The following CFAP107 variants were observed in gnomAD, a reference collection of about 807,000 sequenced individuals.
CFAP107 encodes the protein cilia- and flagella-associated protein 107.
the CFAP107 span, chr1:12,755,868 G>A: frequency 9.7e-6 from 12 of 1,241,752 alleles, no homozygotes; most frequent in Admixed American, 1.5e-4. Context: ...CAAAGCTCAG[G>A]GGACACCAGC....
chr1:12,756,170 GACAA>G, the CFAP107 span, among the ~76,000 whole-genome samples: 12 of 152,216 alleles, frequency 7.9e-5, no homozygotes, highest in African/African-American at 2.9e-4. Context: ...GATGTATTTG[GACAA>G]ACAGTGTTGT....
At chr1:12,754,514 C>T in the CFAP107 span, among the ~76,000 whole-genome samples, 1 of 152,144 alleles carries the variant, frequency 6.6e-6, no homozygotes, top group Non-Finnish European at 1.5e-5. Flanking sequence ...TGGTTGTATG[C>T]CTAAAAGAAT....
the CFAP107 span, chr1:12,759,338 A>G: frequency 1.2e-6 from 2 of 1,613,948 alleles, no homozygotes; most frequent in African/African-American, 2.7e-5. Flanking sequence ...CTGATCACCC[A>G]CCACCAGGAG....
the CFAP107 span, chr1:12,759,440 G>A: frequency 1.2e-6 from 2 of 1,614,010 alleles, no homozygotes; most frequent in Admixed American, 1.7e-5. Flanking sequence ...ACTTGGAATG[G>A]ACAGAAGTTG....
chr1:12,760,828 G>A, the CFAP107 span: 1 of 1,614,154 alleles, frequency 6.2e-7, no homozygotes, highest in Non-Finnish European at 8.5e-7. Flanking sequence ...TCACACCCAA[G>A]GCTGGCCTGA....
chr1:12,755,935 A>C, the CFAP107 span: 1 of 653,028 alleles, frequency 1.5e-6, no homozygotes, highest in Non-Finnish European at 2.7e-6. Context: ...TCTCATTAAT[A>C]CCCTCCCAGC....
chr1:12,760,926 G>A, the CFAP107 span: 24 of 1,612,940 alleles, frequency 1.5e-5, no homozygotes, highest in African/African-American at 5.3e-5. Context: ...CCTCCCCATC[G>A]CCTGCATCCT....
chr1:12,749,114 A>T, the CFAP107 span, among the ~76,000 whole-genome samples: 1 of 152,216 alleles, frequency 6.6e-6, no homozygotes, highest in Non-Finnish European at 1.5e-5. Context: ...TATTTGAAAA[A>T]ATAGTGATTA....
the CFAP107 span, chr1:12,755,623 C>A: frequency 6.4e-6 from 6 of 940,920 alleles, no homozygotes; most frequent in Non-Finnish European, 8.7e-6. Context: ...TTCTGATGGC[C>A]CAGGAGGTAA....
chr1:12,759,394 C>A, the CFAP107 span: 1 of 1,614,178 alleles, frequency 6.2e-7, no homozygotes, highest in Non-Finnish European at 8.5e-7. Context: ...CCATTACAAC[C>A]GGCATGGTTA....
the CFAP107 span, among the ~76,000 whole-genome samples, chr1:12,746,827 G>A: frequency 6.6e-6 from 1 of 152,248 alleles, no homozygotes; most frequent in Non-Finnish European, 1.5e-5. Context: ...GTAACAGGGT[G>A]TCAATATAGT....
At chr1:12,746,522 G>A in the CFAP107 span, 1 of 1,612,784 alleles carries the variant, frequency 6.2e-7, no homozygotes, top group Non-Finnish European at 8.5e-7. Flanking sequence ...ACTGGAAATT[G>A]GATGGAAGAG....
At chr1:12,748,726 G>A in the CFAP107 span, among the ~76,000 whole-genome samples, 2 of 149,934 alleles carry the variant, frequency 1.3e-5, no homozygotes, top group Non-Finnish European at 2.9e-5. Flanking sequence ...AGAAAATAAA[G>A]TGAGAGAATA....
chr1:12,752,139 C>T, the CFAP107 span, among the ~76,000 whole-genome samples: 7 of 152,156 alleles, frequency 4.6e-5, no homozygotes, highest in East Asian at 5.8e-4. Flanking sequence ...ATACTAAAGG[C>T]GAAGACATCA....
chr1:12,755,516 G>A, the CFAP107 span, among the ~76,000 whole-genome samples: 11 of 152,252 alleles, frequency 7.2e-5, no homozygotes, highest in South Asian at 4.1e-4. Flanking sequence ...AGCTCTTCCC[G>A]GGGGTGCCGG....
At chr1:12,751,282 G>A in the CFAP107 span, among the ~76,000 whole-genome samples, 2 of 152,114 alleles carry the variant, frequency 1.3e-5, no homozygotes, top group Non-Finnish European at 2.9e-5. Context: ...TAAATATTTA[G>A]AGAAGAGATA....
At chr1:12,747,094 G>A in the CFAP107 span, among the ~76,000 whole-genome samples, 1 of 150,506 alleles carries the variant, frequency 6.6e-6, no homozygotes, top group Non-Finnish European at 1.5e-5. Flanking sequence ...TTGAGACAGA[G>A]TCTCGCTCTG....
At chr1:12,753,348 T>C in the CFAP107 span, 28 of 152,142 alleles carry the variant, frequency 1.8e-4, 1 homozygote, top group East Asian at 5.2e-3. Flanking sequence ...AAGGTTTTTT[T>C]TTTTTGCAGA....
At chr1:12,748,217 G>C in the CFAP107 span, among the ~76,000 whole-genome samples, 4 of 152,068 alleles carry the variant, frequency 2.6e-5, no homozygotes, top group East Asian at 7.7e-4. Context: ...TCTCTATTTC[G>C]TCTAACTTGG....
Sources: allele counts gnomAD v4.1 joint callset (sites outside exome capture counted in the v4.1 genomes callset), GRCh38; gene constraint gnomAD v4.1.1; transcripts MANE v1.5; gene names NCBI Gene and HGNC (gene_info 2026-07-23, HGNC 2026-07-21).